Variants in MT1X observed in about 807,000 individuals in gnomAD.
MT1X encodes metallothionein-1X.
MT1X carries 7 observed loss-of-function variants against 8.6 expected under a neutral mutation model. The observed-to-expected ratio is 0.81, with a 90% CI of 0.46 to 1.52. The LOEUF (loss-of-function observed/expected upper bound fraction) is 1.52, where lower values mean the gene tolerates loss of function less well. Among genes scored for constraint, MT1X ranks in the 40% most tolerant of loss-of-function variants. The probability of loss-of-function intolerance (pLI) is 0.01; values close to 1 mark genes in which losing one functional copy is unlikely to be tolerated. For synonymous variants in MT1X, 25 were observed against 27.6 expected, an observed-to-expected ratio of 0.91 and a Z score of 0.30; for missense variants, 72 against 74.3, an observed-to-expected ratio of 0.97 and a Z score of 0.11.
intron 1 of MT1X, 148 bp downstream of exon 1, chr16:56,682,716 G>T (rs1298820936): frequency 3.0e-6 from 3 of 1,003,578 alleles, no homozygotes; most frequent in Non-Finnish European, 4.5e-6. Flanking sequence ...TCACGTCCCT[G>T]AGACCACTTC....
chr16:56,684,103 A>ATTTTTTT lies in MT1X; in HGVS notation c.*68_*74dup. 3.1e-6 allele frequency: 4 copies of ATTTTTTT among 1,276,050 alleles called. No individual in the cohort carries two copies. The highest frequency in any genetic ancestry group is 3.1e-5 in the South Asian group (2 of 64,966). 79.0% of individuals were successfully genotyped at this position (1,276,050 alleles called of 1,614,324 possible). ...AATAGAGCAACCTATATAAACCTGGATTTTTTTTTTTTTTTTTTTTGTACA... is the reference window on the plus strand; with the variant it reads ...AATAGAGCAACCTATATAAACCTGGATTTTTTTTTTTTTTTTTTTTTTTTTTTGTACA... On this transcript the variant is annotated 3_prime_UTR_variant, in exon 3 of 3. Coordinates refer to ENST00000394485, the MANE Select transcript of MT1X (RefSeq NM_005952.4).
intron 1 of MT1X, 93 bp downstream of exon 1, chr16:56,682,661 TGA>T: frequency 6.7e-7 from 1 of 1,485,408 alleles, no homozygotes; most frequent in South Asian, 1.2e-5. Context: ...TTTAAAGTTC[TGA>T]GCTGAAGGGG....
rs1961011853 is a variant in MT1X at position 56,682,473 on chromosome 16, A to G, written c.-68A>G. 8.1e-6 allele frequency: 13 copies of G among 1,595,502 alleles called. No individual in the cohort carries two copies. The highest frequency in any genetic ancestry group is 1.1e-5 in the Non-Finnish European group (13 of 1,163,438). ...GAGCCGCCGGCTTCTGGGCTCCACCACGCTTTTCATCTGTCCCGCTGCGTG... is the reference window on the plus strand; with the variant it reads ...GAGCCGCCGGCTTCTGGGCTCCACCGCGCTTTTCATCTGTCCCGCTGCGTG... On this transcript the variant is annotated 5_prime_UTR_variant, in exon 1 of 3. Coordinates refer to ENST00000394485, the MANE Select transcript of MT1X (RefSeq NM_005952.4).
chr16:56,683,756 C>A, intron 2 of MT1X: 1 of 721,452 alleles, frequency 1.4e-6, no homozygotes, highest in Non-Finnish European at 2.3e-6. Flanking sequence ...TCTGTCCTGT[C>A]CCAGACTCAG....
rs761863188 is a variant in MT1X at position 56,682,565 on chromosome 16, C to T, written c.25C>T (p.Pro9Ser). The T allele has an allele frequency of 4.3e-6, 7 of 1,614,104 alleles. No individual in the cohort carries two copies. The highest frequency in any genetic ancestry group is 4.5e-5 in the East Asian group (2 of 44,898). The change falls in exon 1 of 3, where the codon CCT becomes TCT. Residue 9 changes from proline to serine, a missense_variant. Physicochemically the swap from Pro to Ser is moderately conservative, Grantham distance 74 (BLOSUM62 -1). Coordinates refer to ENST00000394485, the MANE Select transcript of MT1X (RefSeq NM_005952.4). ...AATGGACCCCAACTGCTCCTGCTCGCCTGGTAAGGGACACCTAGCTCCGCG... is the reference window on the plus strand; with the variant it reads ...AATGGACCCCAACTGCTCCTGCTCGTCTGGTAAGGGACACCTAGCTCCGCG... Reference protein sequence around the residue: MDPNCSCSPVGSCACAGSC... With the variant: MDPNCSCSSVGSCACAGSC...
chr16:56,682,560 G>T lies in MT1X; in HGVS notation c.20G>T (p.Cys7Phe), dbSNP rs376824510. MDPNCS[C>F]SPVGSCACAG... is the part of the protein sequence containing the mutation. ...CTCGAAATGGACCCCAACTGCTCCT[G>T]CTCGCCTGGTAAGGGACACCTAGCT... is the stretch of plus-strand genomic sequence containing the variant. The change falls in exon 1 of 3, where the codon TGC becomes TTC. Residue 7 changes from cysteine to phenylalanine, a missense_variant. Coordinates refer to ENST00000394485, the MANE Select transcript of MT1X (RefSeq NM_005952.4). 1 of 1,614,202 alleles carries T rather than the reference G, an allele frequency of 6.2e-7. No homozygotes were observed. Among genetic ancestry groups the T allele is most frequent in the South Asian group, 1.1e-5 (1 of 91,082 alleles).
rs1961037465 is a variant in MT1X at position 56,684,125 on chromosome 16, T to C, written c.*76T>C. 7.8e-7 allele frequency: 1 copy of C among 1,274,812 alleles called. No homozygotes were observed. The highest frequency in any genetic ancestry group is 1.1e-6 in the Non-Finnish European group (1 of 948,854). The allele number at this position is 1,274,812 out of a possible 1,614,324, so 79.0% of individuals were successfully genotyped here. A position where few individuals can be genotyped will look rare whatever the true frequency, so the allele number is the denominator to read the frequency against. ...TGGATTTTTTTTTTTTTTTTTTTTG[T>C]ACAACCCTGACCCGTTTGCTACATC... is the stretch of plus-strand genomic sequence containing the variant. On this transcript the variant is annotated 3_prime_UTR_variant, in exon 3 of 3. Coordinates refer to ENST00000394485, the MANE Select transcript of MT1X (RefSeq NM_005952.4).
intron 1 of MT1X, chr16:56,682,841 G>T: frequency 1.7e-6 from 1 of 596,582 alleles, no homozygotes; most frequent in Non-Finnish European, 3.0e-6. Context: ...CTCTGACCAG[G>T]CTCTGAGCAG....
chr16:56,683,308 GC>G, intron 2 of MT1X, 78 bp downstream of exon 2: 1 of 1,554,360 alleles, frequency 6.4e-7, no homozygotes, highest in Non-Finnish European at 8.9e-7. Flanking sequence ...GCAGGCAGGG[GC>G]AGGCCAATGA....
chr16:56,682,503 C>G lies in MT1X; in HGVS notation c.-38C>G. ...TTTCATCTGTCCCGCTGCGTGTTTT[C>G]CTCTTGATCGGGAACTCCTGCTTCT... On this transcript the variant is annotated 5_prime_UTR_variant, in exon 1 of 3. Coordinates refer to ENST00000394485, the MANE Select transcript of MT1X (RefSeq NM_005952.4). 10 of 1,613,824 alleles carry G rather than the reference C, an allele frequency of 6.2e-6. No individual in the cohort carries two copies. Among genetic ancestry groups the G allele is most frequent in the Non-Finnish European group, 8.5e-6 (10 of 1,179,682 alleles).
chr16:56,683,796 C>G lies in MT1X; in HGVS notation c.95-162C>G. 3 of 1,078,226 alleles carry G rather than the reference C, an allele frequency of 2.8e-6. No homozygotes were observed. The South Asian group carries it at 4.5e-5, about 16-fold the overall frequency. The allele number at this position is 1,078,226 out of a possible 1,614,324, so 66.8% of individuals were successfully genotyped here. A position where few individuals can be genotyped will look rare whatever the true frequency, so the allele number is the denominator to read the frequency against. On this transcript the variant is annotated intron_variant, in intron 2 of 2. Coordinates refer to ENST00000394485, the MANE Select transcript of MT1X (RefSeq NM_005952.4). ...GGCTGGGCAGCTTTTTCATATAAAA[C>G]CCTCATCCCAAAGATCTACCAGTTC...
At position 56,682,497 on chromosome 16, in the gene MT1X, T is replaced by C. The variant is rs1456062792; in HGVS notation, c.-44T>C. The C allele has an allele frequency of 1.2e-6, 2 of 1,612,306 alleles. No individual in the cohort carries two copies. The highest frequency in any genetic ancestry group is 2.7e-5 in the African/African-American group (2 of 74,862). On this transcript the variant is annotated 5_prime_UTR_variant, in exon 1 of 3. Transcript: ENST00000394485. ...CACGCTTTTCATCTGTCCCGCTGCG[T>C]GTTTTCCTCTTGATCGGGAACTCCT... is the stretch of plus-strand genomic sequence containing the variant.
Position 56,682,509 on chromosome 16 carries a change from G to C in MT1X, c.-32G>C, listed in dbSNP as rs756388005. ...CTGTCCCGCTGCGTGTTTTCCTCTT[G>C]ATCGGGAACTCCTGCTTCTCCTTGC... On this transcript the variant is annotated 5_prime_UTR_variant, in exon 1 of 3. Coordinates refer to ENST00000394485, the MANE Select transcript of MT1X (RefSeq NM_005952.4). 2 of 1,613,974 alleles carry C rather than the reference G, an allele frequency of 1.2e-6. No individual in the cohort carries two copies. Among genetic ancestry groups the C allele is most frequent in the African/African-American group, 2.7e-5 (2 of 74,944 alleles).
intron 1 of MT1X, 95 bp from the exon 2 acceptor site, chr16:56,683,070 T>G (rs2301234): frequency 0.63 from 915,160 of 1,456,520 alleles, 290,442 homozygotes; most frequent in East Asian, 0.91. Context: ...GGCTGGTCCT[T>G]CAGCACAGAG....
In MT1X at chr16:56,684,134, G is replaced by A. The variant is rs1402181971; in HGVS notation, c.*85G>A. Reference sequence around the variant, plus strand: ...TTTTTTTTTTTTTTTGTACAACCCTGACCCGTTTGCTACATCTTTTTTTCT... The same window carrying A: ...TTTTTTTTTTTTTTTGTACAACCCTAACCCGTTTGCTACATCTTTTTTTCT... On this transcript the variant is annotated 3_prime_UTR_variant, in exon 3 of 3. Transcript: ENST00000394485. 7.1e-7 allele frequency: 1 copy of A among 1,405,768 alleles called. No homozygotes were observed. Among genetic ancestry groups the A allele is most frequent in the Non-Finnish European group, 9.4e-7 (1 of 1,058,488 alleles). The allele number at this position is 1,405,768 out of a possible 1,614,324, so 87.1% of individuals were successfully genotyped here. A position where few individuals can be genotyped will look rare whatever the true frequency, so the allele number is the denominator to read the frequency against.
At chr16:56,683,835 C>A in intron 2 of MT1X, 123 bp from the exon 3 acceptor site, 1 of 1,392,072 alleles carries the variant, frequency 7.2e-7, no homozygotes, top group Non-Finnish European at 1.0e-6. Context: ...TCTGACAAAG[C>A]CATGCCATCC....
chr16:56,683,137 G>T (rs1479731104), intron 1 of MT1X, 28 bp from the exon 2 acceptor site: 2 of 1,613,144 alleles, frequency 1.2e-6, no homozygotes, highest in African/African-American at 2.7e-5. Flanking sequence ...CTCACTCCAC[G>T]CTCACTGCCT....
intron 2 of MT1X, 22 bp from the exon 3 acceptor site, chr16:56,683,936 T>C: frequency 6.2e-7 from 1 of 1,613,826 alleles, no homozygotes. Flanking sequence ...CTCTGACCTC[T>C]CACTCTCCCC....
At chr16:56,682,919 G>A (rs570807481) in intron 1 of MT1X, 1 of 602,836 alleles carries the variant, frequency 1.7e-6, no homozygotes, top group South Asian at 2.0e-5. Flanking sequence ...CTGGCCTCCT[G>A]TCTTAGCCTT....
Sources: gnomAD v4.1 joint callset for allele counts on GRCh38, gnomAD v4.1.1 for gene constraint, MANE v1.5 for transcripts, NCBI Gene and HGNC (gene_info 2026-07-23, HGNC 2026-07-21) for gene names.